Variants in STK25 observed in about 807,000 individuals in gnomAD.
The protein encoded by STK25 is serine/threonine-protein kinase 25.
Under a neutral mutation model 53.8 loss-of-function variants are expected in STK25, and 29 were observed. That is an observed-to-expected ratio of 0.54 (90% confidence interval 0.40 to 0.74). STK25 has a LOEUF of 0.74. Ranked by LOEUF, STK25 falls within the 30% of genes least tolerant of loss-of-function variation. The pLI is 0.00. For missense variants in STK25, 420 were observed against 568.0 expected, an observed-to-expected ratio of 0.74 and a Z score of 2.65; for synonymous variants, 247 against 238.3, an observed-to-expected ratio of 1.04 and a Z score of -0.33.
At chr2:241,499,436 G>A (rs1248239503) in intron 5 of STK25, 22 bp from the exon 6 acceptor site, 1 of 1,609,884 alleles carries the variant, frequency 6.2e-7, no homozygotes. Flanking sequence ...AGGACAGGCA[G>A]GCGTCATCCC....
At chr2:241,503,404 T>C (rs184164334) in intron 2 of STK25, among the ~76,000 whole-genome samples, 1 of 151,134 alleles carries the variant, frequency 6.6e-6, no homozygotes, top group Non-Finnish European at 1.5e-5. Context: ...GCCAATTTAG[T>C]GTGGCAGAGC....
intron 2 of STK25, among the ~76,000 whole-genome samples, chr2:241,503,541 T>C (rs2065633758): frequency 6.7e-6 from 1 of 150,314 alleles, no homozygotes; most frequent in Non-Finnish European, 1.5e-5. Flanking sequence ...TGAAACCCCG[T>C]CTCTACTAAA....
At chr2:241,498,202 GCA>G (rs747064697) in intron 9 of STK25, 31 bp downstream of exon 9, 1 of 1,583,334 alleles carries the variant, frequency 6.3e-7, no homozygotes. Flanking sequence ...CCCCAGGGGT[GCA>G]CAGAGGGCAA....
At chr2:241,500,122 G>A in intron 5 of STK25, 51 bp downstream of exon 5, 1 of 1,517,136 alleles carries the variant, frequency 6.6e-7, no homozygotes, top group Non-Finnish European at 9.2e-7. Flanking sequence ...GCCTCTCTAA[G>A]GTCAGTGGGG....
rs1465356156 is a variant in STK25, at chr2:241,493,583, A to G, written c.*2079T>C. 2 of 733,920 alleles carry G rather than the reference A, an allele frequency of 2.7e-6. No individual in the cohort carries two copies. The highest frequency in any genetic ancestry group is 1.8e-5 in the South Asian group (1 of 55,270). 45.5% of individuals were successfully genotyped at this position (733,920 alleles called of 1,614,324 possible). On this transcript the variant is annotated 3_prime_UTR_variant, in exon 12 of 12. Coordinates refer to ENST00000316586, the MANE Select transcript of STK25 (RefSeq NM_001271977.2). ...AGCAATGCTTCCAGCATTTCCAAAA[A>G]ACAGCAATGCTTTGTTTTTTTTTTT...
chr2:241,493,260 C>A lies in STK25; in HGVS notation c.*2402G>T. ...TGGGCATTCCCTGTGGCAACCCAGCCCCTGGAACCCGTGTCCCTATGCTGT... is the reference window on the plus strand; with the variant it reads ...TGGGCATTCCCTGTGGCAACCCAGCACCTGGAACCCGTGTCCCTATGCTGT... On this transcript the variant is annotated 3_prime_UTR_variant, in exon 12 of 12. Transcript: ENST00000316586. 6.2e-7 allele frequency: 1 copy of A among 1,607,182 alleles called. No homozygotes were observed.
At chr2:241,505,434 C>T (rs2065765341) in intron 2 of STK25, among the ~76,000 whole-genome samples, 1 of 152,170 alleles carries the variant, frequency 6.6e-6, no homozygotes, top group African/African-American at 2.4e-5. Flanking sequence ...TCTAAGGTGG[C>T]CTGAGAGAGG....
chr2:241,504,648 T>A (rs2065714426), intron 2 of STK25, among the ~76,000 whole-genome samples: 1 of 152,166 alleles, frequency 6.6e-6, no homozygotes, highest in Non-Finnish European at 1.5e-5. Context: ...TGCAATCTTT[T>A]TTTGAGATGG....
At chr2:241,508,904 G>T (rs1340933896), upstream of STK25, among the ~76,000 whole-genome samples, 1 of 152,112 alleles carries the variant, frequency 6.6e-6, no homozygotes, top group African/African-American at 2.4e-5. Context: ...CCTGCCAGGC[G>T]TCGTCTCCGA....
Position 241,499,578 on chromosome 2 carries a change from G to C in STK25, c.428-164C>G, listed in dbSNP as rs374099953. On this transcript the variant is annotated intron_variant, in intron 5 of 11. Coordinates refer to ENST00000316586, the MANE Select transcript of STK25 (RefSeq NM_001271977.2). The stretch of plus-strand genomic sequence containing the variant: ...CCACTCTCAAACCCAGGGCCACCTA[G>C]GGCCACAGGGGCACTGCCAGCAGGA... 4.9e-6 allele frequency: 4 copies of C among 814,174 alleles called. No individual in the cohort carries two copies. The East Asian group carries it at 1.1e-4, about 22-fold the overall frequency. 50.4% of individuals were successfully genotyped at this position (814,174 alleles called of 1,614,324 possible).
chr2:241,493,566 T>G lies in STK25; in HGVS notation c.*2096A>C. 1 of 815,824 alleles carries G rather than the reference T, an allele frequency of 1.2e-6. No homozygotes were observed. The highest frequency in any genetic ancestry group is 2.5e-5 in the East Asian group (1 of 40,268). The allele number at this position is 815,824 out of a possible 1,614,324, so 50.5% of individuals were successfully genotyped here. ...CTGGAAAGGAAGGGCTGAGCAATGC[T>G]TCCAGCATTTCCAAAAAACAGCAAT... On this transcript the variant is annotated 3_prime_UTR_variant, in exon 12 of 12. Coordinates refer to ENST00000316586, the MANE Select transcript of STK25 (RefSeq NM_001271977.2).
chr2:241,501,620 T>A lies in STK25; in HGVS notation c.119A>T (p.Asn40Ile). ...SFGEVYKGID[N>I]HTKEVVAIKI... ...GATGGCCACCACCTCCTTTGTGTGG[T>A]TATCGATGCCCTTGTAGACCTCCCC... The change falls in exon 3 of 12, where the codon AAC (asparagine) becomes ATC (isoleucine). Residue 40 changes from asparagine to isoleucine, a missense_variant. Coordinates refer to ENST00000316586, the MANE Select transcript of STK25 (RefSeq NM_001271977.2). The surrounding 1 kb of genome is among the most constrained non-coding windows in gnomAD (Gnocchi z 5.3). The A allele has an allele frequency of 6.2e-7, 1 of 1,614,052 alleles. No homozygotes were observed. The highest frequency in any genetic ancestry group is 2.2e-5 in the East Asian group (1 of 44,858).
chr2:241,507,520 C>T (rs898752375), intron 2 of STK25, among the ~76,000 whole-genome samples: 1 of 152,246 alleles, frequency 6.6e-6, no homozygotes, highest in African/African-American at 2.4e-5. Context: ...CCCTGCACAC[C>T]GGCCACTCAG....
At chr2:241,497,864 C>T (rs1263408887) in intron 9 of STK25, among the ~76,000 whole-genome samples, 177 bp from the exon 10 acceptor site, 1 of 142,414 alleles carries the variant, frequency 7.0e-6, no homozygotes, top group South Asian at 2.1e-4. Context: ...ACTCTGAGGG[C>T]GACTCCCACC....
rs2124977326 is a variant in STK25, at chr2:241,501,192, C to T, written c.261+286G>A. On this transcript the variant is annotated intron_variant, in intron 3 of 11. Coordinates refer to ENST00000316586, the MANE Select transcript of STK25 (RefSeq NM_001271977.2). The surrounding 1 kb of genome is among the most constrained non-coding windows in gnomAD (Gnocchi z 5.3). ...ACACTGGCACCACCAGCCACCTGCT[C>T]CTCACAGGCCCACTCACCACTGCCA... 1.8e-6 allele frequency: 1 copy of T among 556,338 alleles called. No individual in the cohort carries two copies. Among genetic ancestry groups the T allele is most frequent in the Non-Finnish European group, 3.2e-6 (1 of 308,372 alleles). The allele number at this position is 556,338 out of a possible 1,614,324, so 34.5% of individuals were successfully genotyped here. A position where few individuals can be genotyped will look rare whatever the true frequency, so the allele number is the denominator to read the frequency against.
Position 241,493,592 on chromosome 2 carries a change from GC to G in STK25, c.*2069del. 1.5e-6 allele frequency: 1 copy of G among 654,212 alleles called. No individual in the cohort carries two copies. Among genetic ancestry groups the G allele is most frequent in the Non-Finnish European group, 2.5e-6 (1 of 394,462 alleles). 40.5% of individuals were successfully genotyped at this position (654,212 alleles called of 1,614,324 possible). On this transcript the variant is annotated 3_prime_UTR_variant, in exon 12 of 12. Coordinates refer to ENST00000316586, the MANE Select transcript of STK25 (RefSeq NM_001271977.2). Reference sequence around the variant, plus strand: ...TCCAGCATTTCCAAAAAACAGCAATGCTTTGTTTTTTTTTTTTTTGGAGATG... The same window carrying G: ...TCCAGCATTTCCAAAAAACAGCAATGTTTGTTTTTTTTTTTTTTGGAGATG...
Position 241,505,215 on chromosome 2 carries a change from G to A in STK25, c.30+2791C>T, listed in dbSNP as rs140410443. 1.2e-3 allele frequency among the ~76,000 whole-genome samples: 175 copies of A among 151,886 alleles called. 1 individual carries two copies. The highest frequency in any genetic ancestry group is 3.8e-3 in the African/African-American group (159 of 41,394). ...CTGCTCCTCCTCCAGCAGGCCCAACGCCACCTTGTCAAATCCTCCCTGTTT... is the reference window on the plus strand; with the variant it reads ...CTGCTCCTCCTCCAGCAGGCCCAACACCACCTTGTCAAATCCTCCCTGTTT... On this transcript the variant is annotated intron_variant, in intron 2 of 11. Coordinates refer to ENST00000316586, the MANE Select transcript of STK25 (RefSeq NM_001271977.2).
intron 2 of STK25, among the ~76,000 whole-genome samples, chr2:241,503,142 C>T (rs1000073223): frequency 2.0e-5 from 3 of 152,140 alleles, no homozygotes. Context: ...TGGCTCACTG[C>T]AACCTCTGCC....
rs972222015 is a variant in STK25, at chr2:241,493,222, G to A, written c.*2440C>T. ...CATTTGTACGTGCCACCGTTGTGCA[G>A]GTAGCAGAGGAATGGGCATTCCCTG... On this transcript the variant is annotated 3_prime_UTR_variant, in exon 12 of 12. Coordinates refer to ENST00000316586, the MANE Select transcript of STK25 (RefSeq NM_001271977.2). 18 of 1,532,320 alleles carry A rather than the reference G, an allele frequency of 1.2e-5. No individual in the cohort carries two copies. Among genetic ancestry groups the A allele is most frequent in the Admixed American group, 5.1e-5 (3 of 58,800 alleles). 94.9% of individuals were successfully genotyped at this position (1,532,320 alleles called of 1,614,324 possible). A position where few individuals can be genotyped will look rare whatever the true frequency, so the allele number is the denominator to read the frequency against.
Sources: gnomAD v4.1 joint callset for allele counts (sites outside exome capture counted in the v4.1 genomes callset) on GRCh38, gnomAD v4.1.1 for gene constraint, Gnocchi (gnomAD v3.1) non-coding constraint, MANE v1.5 for transcripts, NCBI Gene and HGNC (gene_info 2026-07-23, HGNC 2026-07-21) for gene names.